Variants in TRDMT1 observed in about 807,000 individuals in gnomAD.
TRDMT1 encodes the protein tRNA aspartic acid methyltransferase 1.
Under a neutral mutation model 51.2 loss-of-function variants are expected in TRDMT1, and 49 were observed. The observed-to-expected ratio is 0.96, with a 90% CI of 0.76 to 1.21. TRDMT1 has a LOEUF of 1.21. TRDMT1 is among the 50% of genes most tolerant of loss of function. The pLI is 0.00. For synonymous variants in TRDMT1, 187 were observed against 164.6 expected (o/e 1.14, Z -1.04); for missense variants, 534 against 462.3 (o/e 1.16, Z -1.42).
intron 2 of TRDMT1, among the ~76,000 whole-genome samples, chr10:17,170,048 C>T (rs1647933667): frequency 6.6e-6 from 1 of 152,104 alleles, no homozygotes; most frequent in Admixed American, 6.6e-5. Flanking sequence ...ATGATAACAG[C>T]TAAATTCCTA....
chr10:17,193,377 C>A (rs1315782263), intron 1 of TRDMT1, among the ~76,000 whole-genome samples: 1 of 152,092 alleles, frequency 6.6e-6, no homozygotes, highest in Non-Finnish European at 1.5e-5. Context: ...TCTCTCTTTG[C>A]AGATGATATT....
intron 1 of TRDMT1, among the ~76,000 whole-genome samples, chr10:17,200,803 G>T (rs1341281857): frequency 5.9e-4 from 89 of 152,120 alleles, no homozygotes; most frequent in Admixed American, 5.8e-3. Flanking sequence ...AATATCTCGT[G>T]ATGTCGTTTT....
Position 17,148,593 on chromosome 10 carries a change from G to A in TRDMT1, c.*447C>T. The A allele has an allele frequency of 2.1e-6, 2 of 974,644 alleles. No individual in the cohort carries two copies. Among genetic ancestry groups the A allele is most frequent in the Non-Finnish European group, 2.4e-6 (2 of 820,320 alleles). 60.4% of individuals were successfully genotyped at this position (974,644 alleles called of 1,614,324 possible). ...TAGATGAAATAAAGAAATATTTACAGGATTGGAAATTAAGTAAAACATTCA... is the reference window on the plus strand; with the variant it reads ...TAGATGAAATAAAGAAATATTTACAAGATTGGAAATTAAGTAAAACATTCA... On this transcript the variant is annotated 3_prime_UTR_variant, in exon 11 of 11. Coordinates refer to ENST00000377799, the MANE Select transcript of TRDMT1 (RefSeq NM_004412.7).
intron 10 of TRDMT1, chr10:17,151,627 T>A (rs1210066621): frequency 1.0e-6 from 1 of 982,602 alleles, no homozygotes; most frequent in Non-Finnish European, 1.2e-6. Context: ...TTTCAAAGGC[T>A]GTTTTTCTAA....
In TRDMT1 at chr10:17,162,242, A is replaced by T; in HGVS notation, c.252-5T>A. On this transcript the variant is annotated splice_region_variant and splice_polypyrimidine_tract_variant and intron_variant, in intron 3 of 10. Coordinates refer to ENST00000377799, the MANE Select transcript of TRDMT1 (RefSeq NM_004412.7). ...ATATCACCCTGCCGGCCAATCCTAA[A>T]GGGGTAAAAAAAAAAAAAAACAAAA... is the stretch of plus-strand genomic sequence containing the variant. 3 of 1,510,446 alleles carry T rather than the reference A, an allele frequency of 2.0e-6. No homozygotes were observed. The highest frequency in any genetic ancestry group is 2.3e-5 in the Admixed American group (1 of 44,010). 93.6% of individuals were successfully genotyped at this position (1,510,446 alleles called of 1,614,324 possible).
intron 2 of TRDMT1, chr10:17,169,374 C>T: frequency 8.0e-7 from 1 of 1,254,636 alleles, no homozygotes; most frequent in South Asian, 1.4e-5. Flanking sequence ...CTTTCATATA[C>T]ATCTGTTAAT....
chr10:17,143,668 G>A lies in TRDMT1; in HGVS notation c.*5372C>T, dbSNP rs1471140428. On this transcript the variant is annotated 3_prime_UTR_variant, in exon 11 of 11. Transcript: ENST00000377799. Reference sequence around the variant, plus strand: ...TATGATTGCAAATATATGTGTGGGTGTTTTTAAATCTCAGTGACTTTTTAT... The same window carrying A: ...TATGATTGCAAATATATGTGTGGGTATTTTTAAATCTCAGTGACTTTTTAT... 1 of 985,400 alleles carries A rather than the reference G, an allele frequency of 1.0e-6. No individual in the cohort carries two copies. The highest frequency in any genetic ancestry group is 1.2e-6 in the Non-Finnish European group (1 of 829,928). 61.0% of individuals were successfully genotyped at this position (985,400 alleles called of 1,614,324 possible). A position where few individuals can be genotyped will look rare whatever the true frequency, so the allele number is the denominator to read the frequency against.
intron 1 of TRDMT1, among the ~76,000 whole-genome samples, chr10:17,179,813 G>C (rs1470684626): frequency 6.6e-6 from 1 of 150,430 alleles, no homozygotes; most frequent in Non-Finnish European, 1.5e-5. Context: ...CAAGAGACTA[G>C]CATTGATGGG....
At chr10:17,167,672 G>A (rs561227540) in intron 3 of TRDMT1, among the ~76,000 whole-genome samples, 9 of 152,062 alleles carry the variant, frequency 5.9e-5, no homozygotes, top group African/African-American at 1.4e-4. Context: ...AGTTTATAAC[G>A]TTGCTATGAA....
intron 4 of TRDMT1, 38 bp from the exon 5 acceptor site, chr10:17,161,586 A>C (rs1326566963): frequency 2.4e-4 from 254 of 1,049,736 alleles, no homozygotes; most frequent in Middle Eastern, 3.2e-4. Context: ...TAAATATCTC[A>C]TTACTAAGAA....
At chr10:17,154,418 T>C (rs908334743) in intron 9 of TRDMT1, among the ~76,000 whole-genome samples, 17 of 151,926 alleles carry the variant, frequency 1.1e-4, no homozygotes, top group Admixed American at 1.1e-3. Flanking sequence ...CTACTATTTA[T>C]GGAATAAAAG....
intron 1 of TRDMT1, among the ~76,000 whole-genome samples, chr10:17,190,429 A>T (rs893666724): frequency 8.8e-6 from 1 of 114,168 alleles, no homozygotes; most frequent in African/African-American, 2.8e-5. Flanking sequence ...CAGGAATAAA[A>T]GAGCAAAAAA....
At position 17,138,578 on chromosome 10, in the gene TRDMT1, C is replaced by A. The variant is rs376695331; in HGVS notation, c.*10462G>T. On this transcript the variant is annotated 3_prime_UTR_variant, in exon 11 of 11. Transcript: ENST00000377799. ...TTTTGAAAGCAGTGTGGTCTTGGCTCAAGGCACATAAAGCAGACATTTGTT... is the reference window on the plus strand; with the variant it reads ...TTTTGAAAGCAGTGTGGTCTTGGCTAAAGGCACATAAAGCAGACATTTGTT... Among the ~76,000 whole-genome samples the A allele has an allele frequency of 6.6e-6, 1 of 152,132 alleles. No homozygotes were observed. The highest frequency in any genetic ancestry group is 2.4e-5 in the African/African-American group (1 of 41,428).
At chr10:17,196,720 C>A (rs1254620148) in intron 1 of TRDMT1, among the ~76,000 whole-genome samples, 1 of 152,128 alleles carries the variant, frequency 6.6e-6, no homozygotes, top group Non-Finnish European at 1.5e-5. Context: ...CAGTATGGAT[C>A]CTTCCTTCCC....
At position 17,161,528 on chromosome 10, in the gene TRDMT1, T is replaced by C. The variant is rs745913730; in HGVS notation, c.344A>G (p.Tyr115Cys). The C allele has an allele frequency of 6.8e-6, 9 of 1,316,636 alleles. No individual in the cohort carries two copies. Among genetic ancestry groups the C allele is most frequent in the South Asian group, 4.3e-5 (3 of 69,860 alleles). 81.6% of individuals were successfully genotyped at this position (1,316,636 alleles called of 1,614,324 possible). The stretch of plus-strand genomic sequence containing the variant: ...ACCTTTAACATTTTCCAAAAGAATA[T>C]ACTTTGGTAATTTTTGTAATCTATA... ...ILPRLQKLPK[Y>C]ILLENVKGFE... The change falls in exon 5 of 11, where the codon TAT becomes TGT. Residue 115 changes from tyrosine (Y) to cysteine (C), a missense_variant. Coordinates refer to ENST00000377799, the MANE Select transcript of TRDMT1 (RefSeq NM_004412.7).
At chr10:17,154,629 T>C (rs1279078771) in intron 9 of TRDMT1, 48 bp downstream of exon 9, 1 of 1,468,892 alleles carries the variant, frequency 6.8e-7, no homozygotes, top group African/African-American at 1.4e-5. Flanking sequence ...ATTAAACAAT[T>C]TTAGTTAAAA....
At position 17,143,918 on chromosome 10, in the gene TRDMT1, G is replaced by A. The variant is rs200578175; in HGVS notation, c.*5122C>T. 3 of 714,308 alleles carry A rather than the reference G, an allele frequency of 4.2e-6. No homozygotes were observed. Among genetic ancestry groups the A allele is most frequent in the Non-Finnish European group, 5.0e-6 (3 of 594,166 alleles). The allele number at this position is 714,308 out of a possible 1,614,324, so 44.2% of individuals were successfully genotyped here. ...CTTAGGTTGCAAGCATGCTAAATTT[G>A]ATGCAAATCCGATACAACTTGAATA... is the stretch of plus-strand genomic sequence containing the variant. On this transcript the variant is annotated 3_prime_UTR_variant, in exon 11 of 11. Coordinates refer to ENST00000377799, the MANE Select transcript of TRDMT1 (RefSeq NM_004412.7).
In TRDMT1 at chr10:17,141,848, T is replaced by C. The variant is rs895539689; in HGVS notation, c.*7192A>G. Reference sequence around the variant, plus strand: ...AAGAAATTCATGCCAAGACACATCATAATTAAATTTCTGAAAATAAAGTTA... The same window carrying C: ...AAGAAATTCATGCCAAGACACATCACAATTAAATTTCTGAAAATAAAGTTA... On this transcript the variant is annotated 3_prime_UTR_variant, in exon 11 of 11. Coordinates refer to ENST00000377799, the MANE Select transcript of TRDMT1 (RefSeq NM_004412.7). Among the ~76,000 whole-genome samples, 2 of 152,250 alleles carry C rather than the reference T, an allele frequency of 1.3e-5. No homozygotes were observed. The highest frequency in any genetic ancestry group is 1.3e-4 in the Admixed American group (2 of 15,288).
At position 17,146,266 on chromosome 10, in the gene TRDMT1, T is replaced by G; in HGVS notation, c.*2774A>C. The G allele has an allele frequency of 2.0e-6, 2 of 985,464 alleles. No individual in the cohort carries two copies. The highest frequency in any genetic ancestry group is 2.4e-6 in the Non-Finnish European group (2 of 829,932). 61.0% of individuals were successfully genotyped at this position (985,464 alleles called of 1,614,324 possible). A position where few individuals can be genotyped will look rare whatever the true frequency, so the allele number is the denominator to read the frequency against. ...GAAGGCTCTCCTTTTTGAGGAAGAA[T>G]AAGTTGGCTGAAGGTTGGAGGTATT... On this transcript the variant is annotated 3_prime_UTR_variant, in exon 11 of 11. Coordinates refer to ENST00000377799, the MANE Select transcript of TRDMT1 (RefSeq NM_004412.7).
Sources: gnomAD v4.1 joint callset for allele counts (sites outside exome capture counted in the v4.1 genomes callset) on GRCh38, gnomAD v4.1.1 for gene constraint, MANE v1.5 for transcripts, NCBI Gene and HGNC (gene_info 2026-07-23, HGNC 2026-07-21) for gene names.